Variants in CLIP2 observed in about 807,000 individuals in gnomAD.
CLIP2 encodes CAP-Gly domain-containing linker protein 2.
Under a neutral mutation model 111.7 loss-of-function variants are expected in CLIP2, and 41 were observed. That is an observed-to-expected ratio of 0.37 (90% CI 0.29 to 0.48). The LOEUF (loss-of-function observed/expected upper bound fraction) is 0.48. Ranked by LOEUF, CLIP2 falls within the 20% of genes least tolerant of loss-of-function variation. CLIP2 has a pLI of 0.99. For synonymous variants in CLIP2, 660 were observed against 644.2 expected, an observed-to-expected ratio of 1.02 and a Z score of -0.37; for missense variants, 1,160 against 1,422.1, an observed-to-expected ratio of 0.82 and a Z score of 2.96.
At chr7:74,297,427 T>C (rs1788201427) in intron 1 of CLIP2, among the ~76,000 whole-genome samples, 1 of 151,716 alleles carries the variant, frequency 6.6e-6, no homozygotes, top group Non-Finnish European at 1.5e-5. Flanking sequence ...CAGTGAGCCA[T>C]GATTGTGCTA....
At chr7:74,341,431 G>A (rs1342187911) in intron 3 of CLIP2, among the ~76,000 whole-genome samples, 4 of 151,666 alleles carry the variant, frequency 2.6e-5, no homozygotes, top group Non-Finnish European at 2.9e-5. Flanking sequence ...TACCCACCTC[G>A]GCCTCCCAAA....
Position 74,376,703 on chromosome 7 carries a change from C to T in CLIP2, c.2302C>T (p.Arg768Trp), listed in dbSNP as rs75721312. 1,011 of 1,613,058 alleles carry T rather than the reference C, an allele frequency of 6.3e-4. 6 individuals are homozygous for T. In the African/African-American group the frequency reaches 0.012, roughly 19 times the overall value. ...LAEKKMLDYE[R>W]LQRAEAQGKQ... The stretch of plus-strand genomic sequence containing the variant: ...CGAGAAGAAGATGTTGGACTACGAG[C>T]GGCTGCAGCGGGCAGAAGCCCAGGG... Residue 768 changes from arginine to tryptophan, a missense_variant, in exon 10 of 17, where the codon CGG (arginine) becomes TGG (tryptophan). Arg to Trp is a moderately radical substitution (Grantham distance 101, BLOSUM62 -3). This residue lies in a region of CLIP2 where 676 missense variants were observed against 777.8 expected (regional missense o/e 0.87). Coordinates refer to ENST00000223398, the MANE Select transcript of CLIP2 (RefSeq NM_003388.5). This position sits in a 1 kb window ranked among gnomAD's most constrained non-coding sequence, Gnocchi z 7.1.
chr7:74,402,386 G>T (rs570925270), intron 16 of CLIP2, among the ~76,000 whole-genome samples: 1 of 150,266 alleles, frequency 6.7e-6, no homozygotes, highest in Non-Finnish European at 1.5e-5. Context: ...GTAGGGTGGC[G>T]CACACCTGTA....
intron 1 of CLIP2, among the ~76,000 whole-genome samples, chr7:74,290,890 G>T (rs1417063205): frequency 1.3e-5 from 2 of 152,156 alleles, no homozygotes; most frequent in African/African-American, 2.4e-5. Flanking sequence ...GCAGCCCCGG[G>T]GGTTGATGAG....
rs1554313167 is a variant in CLIP2 at position 74,377,258 on chromosome 7, TG to T, written c.2421+440del. ...CCCATCTCCAACTTAGAAGCTCACC[TG>T]GGGAATCAGCGGCAGCCCCCTTTCT... On this transcript the variant is annotated intron_variant, in intron 10 of 16. Transcript: ENST00000223398. Among the ~76,000 whole-genome samples the T allele has an allele frequency of 3.9e-5, 6 of 152,332 alleles. No individual in the cohort carries two copies. The South Asian group carries it at 1.2e-3, about 32-fold the overall frequency.
At chr7:74,387,770 C>T (rs1791157185) in intron 12 of CLIP2, among the ~76,000 whole-genome samples, 1 of 152,192 alleles carries the variant, frequency 6.6e-6, no homozygotes, top group South Asian at 2.1e-4. Flanking sequence ...TGATATCGCT[C>T]CCCACACCAG....
Position 74,376,586 on chromosome 7 carries a change from G to C in CLIP2, c.2185G>C (p.Glu729Gln). Residue 729 changes from glutamate (E) to glutamine (Q), a missense_variant, in exon 10 of 17, where the codon GAG becomes CAG. Physicochemically the swap from Glu to Gln is conservative, Grantham distance 29. Coordinates refer to ENST00000223398, the MANE Select transcript of CLIP2 (RefSeq NM_003388.5). The surrounding 1 kb of genome is among the most constrained non-coding windows in gnomAD (Gnocchi z 7.1). ...GGCCCAGGACCAGCGCCGGGATGCCGAGCTGCGTGTGCACGAGCTGGAAAA... is the reference window on the plus strand; with the variant it reads ...GGCCCAGGACCAGCGCCGGGATGCCCAGCTGCGTGTGCACGAGCTGGAAAA... ...QEAQDQRRDA[E>Q]LRVHELEKLD... 1 of 1,611,652 alleles carries C rather than the reference G, an allele frequency of 6.2e-7. No homozygotes were observed. The highest frequency in any genetic ancestry group is 1.7e-4 in the Middle Eastern group (1 of 6,048).
At chr7:74,396,784 G>A (rs1196167319) in intron 13 of CLIP2, among the ~76,000 whole-genome samples, 1 of 152,152 alleles carries the variant, frequency 6.6e-6, no homozygotes, top group Non-Finnish European at 1.5e-5. Context: ...GCCTTCTGAA[G>A]TGCTGGGATT....
chr7:74,338,276 C>T lies in CLIP2; in HGVS notation c.122-172C>T, dbSNP rs997279967. On this transcript the variant is annotated intron_variant, in intron 2 of 16. Coordinates refer to ENST00000223398, the MANE Select transcript of CLIP2 (RefSeq NM_003388.5). This position sits in a 1 kb window ranked among gnomAD's most constrained non-coding sequence, Gnocchi z 4.3. ...CAGCAATTTGGGAAGCCAAGGCGGG[C>T]GGATTTCTTGAGGTCAGGAGTTCGA... Among the ~76,000 whole-genome samples, 6 of 152,044 alleles carry T rather than the reference C, an allele frequency of 3.9e-5. No homozygotes were observed. Among genetic ancestry groups the T allele is most frequent in the South Asian group, 4.1e-4 (2 of 4,824 alleles).
chr7:74,306,400 C>A (rs537285873), intron 1 of CLIP2, among the ~76,000 whole-genome samples: 1 of 152,304 alleles, frequency 6.6e-6, no homozygotes, highest in African/African-American at 2.4e-5. Flanking sequence ...AGTGTCCCTG[C>A]CAAGCACCTG....
At chr7:74,360,621 G>A (rs1213445806) in intron 7 of CLIP2, among the ~76,000 whole-genome samples, 1 of 152,120 alleles carries the variant, frequency 6.6e-6, no homozygotes. Context: ...CACAATCACA[G>A]CTCACTGCAG....
chr7:74,354,069 T>C, intron 4 of CLIP2, 65 bp downstream of exon 4: 1 of 1,534,550 alleles, frequency 6.5e-7, no homozygotes, highest in South Asian at 1.2e-5. Flanking sequence ...GCGCAGGGGA[T>C]GGAGATGGGA....
intron 10 of CLIP2, among the ~76,000 whole-genome samples, chr7:74,379,513 A>C (rs1554313536): frequency 1.3e-5 from 2 of 152,178 alleles, no homozygotes; most frequent in Admixed American, 6.6e-5. Context: ...CTGTAATCCC[A>C]GCACTTTGGG....
chr7:74,382,452 A>G (rs537559742), intron 11 of CLIP2, among the ~76,000 whole-genome samples: 31 of 148,756 alleles, frequency 2.1e-4, no homozygotes, highest in African/African-American at 7.6e-4. Context: ...CTACACGTGC[A>G]TGCCACCATG....
intron 6 of CLIP2, among the ~76,000 whole-genome samples, 190 bp downstream of exon 6, chr7:74,357,667 A>G (rs915026602): frequency 2.6e-5 from 4 of 152,152 alleles, no homozygotes; most frequent in African/African-American, 9.7e-5. Flanking sequence ...TTTTCTGCCT[A>G]TGTATAAGGA....
chr7:74,346,095 C>T (rs1554306189), intron 3 of CLIP2, among the ~76,000 whole-genome samples: 1 of 152,024 alleles, frequency 6.6e-6, no homozygotes, highest in Non-Finnish European at 1.5e-5. Context: ...CCTCCCAACT[C>T]ATCCTCCTGA....
chr7:74,357,659 T>C (rs1790187009), intron 6 of CLIP2, among the ~76,000 whole-genome samples, 182 bp downstream of exon 6: 1 of 152,228 alleles, frequency 6.6e-6, no homozygotes, highest in Non-Finnish European at 1.5e-5. Flanking sequence ...TTCCAGTCTT[T>C]TCTGCCTATG....
chr7:74,396,033 A>G (rs1245689096), intron 13 of CLIP2, among the ~76,000 whole-genome samples: 1 of 152,154 alleles, frequency 6.6e-6, no homozygotes, highest in Non-Finnish European at 1.5e-5. Flanking sequence ...GTGGCCACCT[A>G]GTAAGGGAGT....
intron 3 of CLIP2, among the ~76,000 whole-genome samples, chr7:74,348,493 A>C (rs1554306821): frequency 6.6e-6 from 1 of 151,886 alleles, no homozygotes; most frequent in African/African-American, 2.4e-5. Context: ...CTGTCTCTTA[A>C]AAAAAGAATG....
Sources: allele counts gnomAD v4.1 joint callset (sites outside exome capture counted in the v4.1 genomes callset), GRCh38; gene constraint gnomAD v4.1.1; regional missense constraint gnomAD v4.1.1; non-coding constraint Gnocchi (gnomAD v3.1); transcripts MANE v1.5; gene names NCBI Gene and HGNC (gene_info 2026-07-23, HGNC 2026-07-21).